The following NME9 variants were observed in gnomAD, a reference collection of about 807,000 sequenced individuals.
NME9 encodes NME/NM23 family member 9.
A neutral mutation model predicts 44.4 loss-of-function variants in NME9; 48 were observed. The observed-to-expected ratio is 1.08, with a 90% confidence interval of 0.86 to 1.37. NME9 has a LOEUF of 1.37. NME9 is among the 40% of genes most tolerant of loss of function. NME9 has a pLI of 0.00. For synonymous variants in NME9, 139 were observed against 147.1 expected, an observed-to-expected ratio of 0.94 and a Z score of 0.40; for missense variants, 325 against 405.2, an observed-to-expected ratio of 0.80 and a Z score of 1.70.
chr3:138,324,205 A>T lies in NME9; in HGVS notation c.91+668T>A, dbSNP rs1214155030. 4 of 306,138 alleles carry T rather than the reference A, an allele frequency of 1.3e-5. No individual in the cohort carries two copies. The East Asian group carries it at 3.1e-4, about 24-fold the overall frequency. 19.0% of individuals were successfully genotyped at this position (306,138 alleles called of 1,614,324 possible). A position where few individuals can be genotyped will look rare whatever the true frequency, so the allele number is the denominator to read the frequency against. ...GCCTCATGAGTGAGCTTGGAAGTGG[A>T]TCTTCTTAGGTCTGCCAACAGCCAC... On this transcript the variant is annotated intron_variant, in intron 2 of 10. Coordinates refer to ENST00000333911, the MANE Select transcript of NME9 (RefSeq NM_001349018.2).
chr3:138,286,046 C>T (rs1049975364), intron 8 of NME9, among the ~76,000 whole-genome samples: 4 of 152,150 alleles, frequency 2.6e-5, no homozygotes, highest in African/African-American at 4.8e-5. Flanking sequence ...TAGGTTCAAG[C>T]GATTCTCCTG....
intron 8 of NME9, among the ~76,000 whole-genome samples, chr3:138,285,748 G>A (rs1342595331): frequency 1.3e-5 from 2 of 152,180 alleles, no homozygotes; most frequent in African/African-American, 4.8e-5. Context: ...GTGCACAACT[G>A]TATATCCACC....
At chr3:138,262,501 C>G (rs779050902) in exon 9 of NME9, 2 of 1,588,534 alleles carry the variant, frequency 1.3e-6, no homozygotes, top group African/African-American at 2.7e-5. Context: ...GTTTTCCACT[C>G]TCTCATGTTC....
chr3:138,305,084 G>T, intron 8 of NME9, 57 bp from the exon 9 acceptor site: 1 of 1,519,836 alleles, frequency 6.6e-7, no homozygotes, highest in South Asian at 1.2e-5. Flanking sequence ...GCCTGCAGAG[G>T]ATCAGCGAGC....
intron 8 of NME9, chr3:138,295,868 G>A: frequency 6.2e-7 from 1 of 1,613,674 alleles, no homozygotes; most frequent in Non-Finnish European, 8.5e-7. Context: ...GGGCAAAGAT[G>A]GCACTGCAGC....
chr3:138,289,058 A>AT, intron 8 of NME9: 1 of 1,612,862 alleles, frequency 6.2e-7, no homozygotes, highest in Non-Finnish European at 8.5e-7. Context: ...GGCCATTCAC[A>AT]TGTTAAACTG....
chr3:138,280,994 A>C (rs2049851194), intron 8 of NME9, among the ~76,000 whole-genome samples: 1 of 152,146 alleles, frequency 6.6e-6, no homozygotes, highest in African/African-American at 2.4e-5. Context: ...CAATTTTTGC[A>C]GGCTCTGGTC....
chr3:138,309,551 G>A (rs1418771092), intron 6 of NME9, among the ~76,000 whole-genome samples: 1 of 152,028 alleles, frequency 6.6e-6, no homozygotes, highest in East Asian at 1.9e-4. Context: ...TGGGCATGGT[G>A]GCACACGCCT....
chr3:138,278,168 C>A (rs1187433046), intron 8 of NME9, among the ~76,000 whole-genome samples: 3 of 152,152 alleles, frequency 2.0e-5, no homozygotes, highest in African/African-American at 7.2e-5. Context: ...AGTGATAGAA[C>A]TGCTCTGTAA....
At chr3:138,311,771 C>T (rs1027483852) in intron 6 of NME9, among the ~76,000 whole-genome samples, 2 of 152,052 alleles carry the variant, frequency 1.3e-5, no homozygotes, top group East Asian at 3.8e-4. Context: ...ATAACAAACC[C>T]ACAGCCAGCA....
rs780755738 is a variant in NME9 at position 138,318,239 on chromosome 3, G to A, written c.196-20C>T. ...CTCTGCCTAAAGAAAGCCACTATCA[G>A]CAGGTACCCTGGATGCAGGGGGTGC... On this transcript the variant is annotated intron_variant, in intron 3 of 10. Transcript: ENST00000333911. 1.2e-5 allele frequency: 19 copies of A among 1,567,508 alleles called. No homozygotes were observed. The highest frequency in any genetic ancestry group is 1.7e-5 in the Non-Finnish European group (19 of 1,137,672).
chr3:138,292,801 A>C (rs984806872), intron 8 of NME9, among the ~76,000 whole-genome samples: 4 of 152,196 alleles, frequency 2.6e-5, no homozygotes, highest in African/African-American at 9.6e-5. Context: ...GCAAGTAAAA[A>C]GAGAGAAAGG....
At chr3:138,274,335 A>G (rs1035118045) in intron 8 of NME9, 10 of 681,410 alleles carry the variant, frequency 1.5e-5, no homozygotes, top group African/African-American at 3.6e-5. Flanking sequence ...TCTATATGCT[A>G]TAGTGTTTTG....
chr3:138,324,693 T>C (rs2053666494), intron 2 of NME9, 180 bp downstream of exon 2: 3 of 533,168 alleles, frequency 5.6e-6, no homozygotes, highest in Non-Finnish European at 1.0e-5. Flanking sequence ...TCAAGCCAGA[T>C]ACACACACAC....
chr3:138,328,334 C>T (rs1368358320), intron 1 of NME9, among the ~76,000 whole-genome samples: 2 of 137,528 alleles, frequency 1.5e-5, no homozygotes, highest in Non-Finnish European at 3.2e-5. Flanking sequence ...AAAAATCCCA[C>T]CCCACCCCAC....
In NME9 at chr3:138,304,857, C is replaced by A; in HGVS notation, c.791+16G>T. 1 of 1,611,996 alleles carries A rather than the reference C, an allele frequency of 6.2e-7. No homozygotes were observed. Among genetic ancestry groups the A allele is most frequent in the Non-Finnish European group, 8.5e-7 (1 of 1,178,786 alleles). ...GGTTTTAAGATGGATGAAAGGACCA[C>A]AGCTGGTGACATCACCTTTCTGGCT... On this transcript the variant is annotated intron_variant, in intron 9 of 10. Transcript: ENST00000333911.
At chr3:138,291,554 G>A (rs1285596794) in intron 8 of NME9, among the ~76,000 whole-genome samples, 1 of 152,170 alleles carries the variant, frequency 6.6e-6, no homozygotes, top group Non-Finnish European at 1.5e-5. Flanking sequence ...TTACATTCTA[G>A]TATAGAAGAT....
intron 8 of NME9, chr3:138,263,547 G>T: frequency 3.3e-6 from 2 of 604,736 alleles, no homozygotes; most frequent in Non-Finnish European, 5.9e-6. Context: ...CAGCCTGGCA[G>T]GTCCTTAGTG....
At chr3:138,294,298 A>C (rs778046016) in intron 8 of NME9, among the ~76,000 whole-genome samples, 4 of 152,174 alleles carry the variant, frequency 2.6e-5, no homozygotes, top group African/African-American at 9.7e-5. Flanking sequence ...CTCTCCACCC[A>C]GGCTTGGAGG....
Sources: gnomAD v4.1 joint callset for allele counts (sites outside exome capture counted in the v4.1 genomes callset) on GRCh38, gnomAD v4.1.1 for gene constraint, MANE v1.5 for transcripts, NCBI Gene and HGNC (gene_info 2026-07-23, HGNC 2026-07-21) for gene names.